Variants in HABP2 observed in about 807,000 individuals in gnomAD.
The protein encoded by HABP2 is factor VII-activating protease.
Under a neutral mutation model 66.5 loss-of-function variants are expected in HABP2, and 65 were observed. That is an observed-to-expected ratio of 0.98 (90% CI 0.80 to 1.20). The LOEUF is 1.20. HABP2 is among the 50% of genes most tolerant of loss of function. The pLI is 0.00. For missense variants in HABP2, 786 were observed against 691.0 expected (o/e 1.14, Z -1.54); for synonymous variants, 263 against 253.9 (o/e 1.04, Z -0.34).
intron 1 of HABP2, among the ~76,000 whole-genome samples, chr10:113,563,068 C>T (rs1845128753): frequency 6.6e-6 from 1 of 152,154 alleles, no homozygotes; most frequent in African/African-American, 2.4e-5. Flanking sequence ...GTATTGTGTG[C>T]AACAAACAAG....
At position 113,580,641 on chromosome 10, in the gene HABP2, A is replaced by G. The variant is rs370681933; in HGVS notation, c.787A>G (p.Asn263Asp). Reference protein sequence around the residue: ...EKPWCFIKVTNDKVKWEYCDV... With the variant: ...EKPWCFIKVTDDKVKWEYCDV... ...GCCCTGGTGCTTTATTAAAGTTACC[A>G]ATGACAAGGTGAAATGGGAATACTG... The change falls in exon 8 of 13, where the codon AAT (asparagine) becomes GAT (aspartate). Residue 263 changes from asparagine to aspartate, a missense_variant. By Grantham distance (23) the Asn-to-Asp change is conservative. Transcript: ENST00000351270. 26 of 1,606,194 alleles carry G rather than the reference A, an allele frequency of 1.6e-5. No homozygotes were observed. The African/African-American group carries it at 2.7e-4, about 17-fold the overall frequency.
chr10:113,587,140 C>T (rs1845654523), intron 12 of HABP2, among the ~76,000 whole-genome samples: 1 of 152,154 alleles, frequency 6.6e-6, no homozygotes, highest in African/African-American at 2.4e-5. Flanking sequence ...CATGGTGAAA[C>T]CCTGTCTCTA....
chr10:113,556,554 A>T (rs10128300), intron 1 of HABP2, among the ~76,000 whole-genome samples: 7,994 of 151,858 alleles, frequency 0.053, 684 homozygotes, highest in African/African-American at 0.18. Context: ...ATCAAAAAAA[A>T]TTTTTTTTAA....
intron 2 of HABP2, among the ~76,000 whole-genome samples, chr10:113,573,880 G>T (rs1845357903): frequency 6.6e-6 from 1 of 152,202 alleles, no homozygotes; most frequent in South Asian, 2.1e-4. Flanking sequence ...CAAGTATAGT[G>T]TGATCTGACC....
At chr10:113,557,769 A>G (rs1443524978) in intron 1 of HABP2, among the ~76,000 whole-genome samples, 1 of 152,266 alleles carries the variant, frequency 6.6e-6, no homozygotes, top group Non-Finnish European at 1.5e-5. Context: ...GTAATAATTA[A>G]TAGTAGCAGC....
Position 113,585,848 on chromosome 10 carries a change from G to A in HABP2, c.1428G>A (p.Leu476=), listed in dbSNP as rs1365975086. 8 of 1,613,250 alleles carry A rather than the reference G, an allele frequency of 5.0e-6. No homozygotes were observed. The change falls in exon 12 of 13, where the codon TTG becomes TTA. Residue 476 remains leucine, a synonymous_variant. Coordinates refer to ENST00000351270, the MANE Select transcript of HABP2 (RefSeq NM_004132.5). ...DAKVKLIANT[L]CNSRQLYDHM... is the part of the protein sequence containing the mutation. Reference sequence around the variant, plus strand: ...AAGTCAAGCTGATTGCCAACACTTTGTGCAACTCCCGCCAACTCTATGACC... The same window carrying A: ...AAGTCAAGCTGATTGCCAACACTTTATGCAACTCCCGCCAACTCTATGACC...
intron 5 of HABP2, among the ~76,000 whole-genome samples, chr10:113,577,783 C>A (rs1232365244): frequency 5.9e-5 from 9 of 152,206 alleles, no homozygotes; most frequent in Non-Finnish European, 1.0e-4. Context: ...TACTGACTGA[C>A]CCATCTACTT....
At chr10:113,570,144 A>G (rs1845278739) in intron 2 of HABP2, 1 of 152,116 alleles carries the variant, frequency 6.6e-6, no homozygotes, top group Non-Finnish European at 1.5e-5. Flanking sequence ...GGCAAATAAA[A>G]CTTGGAGTTA....
Position 113,574,151 on chromosome 10 carries a change from TG to T in HABP2, c.107-137del, listed in dbSNP as rs1845363021. On this transcript the variant is annotated intron_variant, in intron 2 of 12. Coordinates refer to ENST00000351270, the MANE Select transcript of HABP2 (RefSeq NM_004132.5). The stretch of plus-strand genomic sequence containing the variant: ...GAGCCCTCCTTTCCACTCCCCTCAC[TG>T]TGCAGAGCTGGAGAGACACATGATT... The T allele has an allele frequency of 5.6e-5, 32 of 571,144 alleles. No homozygotes were observed. In the South Asian group the frequency reaches 6.6e-4, roughly 12 times the overall value. 35.4% of individuals were successfully genotyped at this position (571,144 alleles called of 1,614,324 possible).
chr10:113,554,329 C>T (rs1844952617), intron 1 of HABP2, among the ~76,000 whole-genome samples: 1 of 152,152 alleles, frequency 6.6e-6, no homozygotes, highest in Non-Finnish European at 1.5e-5. Flanking sequence ...AGTACCTTTG[C>T]ATTTTGTTCC....
At chr10:113,564,850 C>CT (rs372619511) in intron 1 of HABP2, among the ~76,000 whole-genome samples, 49,522 of 150,236 alleles carry the variant, frequency 0.33, 9,313 homozygotes, top group East Asian at 0.51. Context: ...GCATCTCTCT[C>CT]TTTTGTTTTT....
Position 113,588,693 on chromosome 10 carries a change from C to G in HABP2, c.*324C>G, listed in dbSNP as rs1353157762. ...CTCCACCACAGGCATCCTGCAAATGCAGACTCCAGAATCCCCAGCATCAGC... is the reference window on the plus strand; with the variant it reads ...CTCCACCACAGGCATCCTGCAAATGGAGACTCCAGAATCCCCAGCATCAGC... On this transcript the variant is annotated 3_prime_UTR_variant, in exon 13 of 13. Transcript: ENST00000351270. 3 of 536,380 alleles carry G rather than the reference C, an allele frequency of 5.6e-6. No homozygotes were observed. The South Asian group carries it at 8.7e-5, about 16-fold the overall frequency. The allele number at this position is 536,380 out of a possible 1,614,324, so 33.2% of individuals were successfully genotyped here.
upstream of HABP2, among the ~76,000 whole-genome samples, chr10:113,552,691 G>T (rs1245355223): frequency 6.6e-6 from 1 of 152,132 alleles, no homozygotes; most frequent in Non-Finnish European, 1.5e-5. Flanking sequence ...TTTGAGATTT[G>T]ATGAACCAGA....
intron 8 of HABP2, 23 bp from the exon 9 acceptor site, chr10:113,581,852 AT>A (rs774548586): frequency 5.0e-6 from 8 of 1,613,208 alleles, no homozygotes; most frequent in Non-Finnish European, 5.1e-6. Flanking sequence ...GAATAGCACA[AT>A]TTATCTTTCT....
In HABP2 at chr10:113,582,026, C is replaced by G. The variant is rs753465854; in HGVS notation, c.989C>G (p.Ser330Cys). The part of the protein sequence containing the change: ...STAGKHPWQA[S>C]LQSSLPLTIS... ...GCGGGCAAGCACCCATGGCAGGCGT[C>G]CCTCCAGTCCTCGCTGCCTCTGACC... The change falls in exon 9 of 13, where the codon TCC becomes TGC. Residue 330 changes from serine to cysteine, a missense_variant. By Grantham distance (112) the Ser-to-Cys change is moderately radical. Coordinates refer to ENST00000351270, the MANE Select transcript of HABP2 (RefSeq NM_004132.5). 6.2e-7 allele frequency: 1 copy of G among 1,614,104 alleles called. No individual in the cohort carries two copies. The highest frequency in any genetic ancestry group is 8.5e-7 in the Non-Finnish European group (1 of 1,179,988).
intron 6 of HABP2, 125 bp downstream of exon 6, chr10:113,578,270 C>T (rs1845450817): frequency 9.6e-7 from 1 of 1,043,732 alleles, no homozygotes; most frequent in Non-Finnish European, 1.4e-6. Context: ...TCAGCCTTCT[C>T]ACCTAAAGGG....
chr10:113,571,022 C>G (rs1389171138), intron 2 of HABP2, among the ~76,000 whole-genome samples: 1 of 152,218 alleles, frequency 6.6e-6, no homozygotes, highest in Admixed American at 6.5e-5. Context: ...GCTCTTGAAA[C>G]TAAAATTCTT....
Position 113,589,566 on chromosome 10 carries a change from A to G in HABP2, c.*1197A>G. 20 of 1,412,058 alleles carry G rather than the reference A, an allele frequency of 1.4e-5. No individual in the cohort carries two copies. The highest frequency in any genetic ancestry group is 1.9e-5 in the Non-Finnish European group (20 of 1,037,452). The allele number at this position is 1,412,058 out of a possible 1,614,324, so 87.5% of individuals were successfully genotyped here. On this transcript the variant is annotated 3_prime_UTR_variant, in exon 13 of 13. Coordinates refer to ENST00000351270, the MANE Select transcript of HABP2 (RefSeq NM_004132.5). ...CTGCGTTTCACACTTCTTTAGAGCT[A>G]GCTGACCTTTGGCCAAAAATAAACT...
chr10:113,574,285 G>T lies in HABP2; in HGVS notation c.107-4G>T. On this transcript the variant is annotated splice_polypyrimidine_tract_variant and splice_region_variant and intron_variant, in intron 2 of 12. Transcript: ENST00000351270. Reference sequence around the variant, plus strand: ...TTTCTTCTGTCCTGTTACCATCCCTGCAGACTGGACCCCTGACCAGTATGA... The same window carrying T: ...TTTCTTCTGTCCTGTTACCATCCCTTCAGACTGGACCCCTGACCAGTATGA... 6.8e-7 allele frequency: 1 copy of T among 1,463,196 alleles called. No individual in the cohort carries two copies. The highest frequency in any genetic ancestry group is 9.6e-7 in the Non-Finnish European group (1 of 1,042,374). The allele number at this position is 1,463,196 out of a possible 1,614,324, so 90.6% of individuals were successfully genotyped here. A position where few individuals can be genotyped will look rare whatever the true frequency, so the allele number is the denominator to read the frequency against.
Sources: allele counts gnomAD v4.1 joint callset (sites outside exome capture counted in the v4.1 genomes callset), GRCh38; gene constraint gnomAD v4.1.1; transcripts MANE v1.5; gene names NCBI Gene and HGNC (gene_info 2026-07-23, HGNC 2026-07-21).